Variants in CSPP1 observed in about 807,000 individuals in gnomAD.
CSPP1 encodes the protein centrosome and spindle pole associated protein 1, also known as centrosome and spindle pole-associated protein 1.
Under a neutral mutation model 164.4 loss-of-function variants are expected in CSPP1, and 126 were observed. That is an observed-to-expected ratio of 0.77 (90% CI 0.66 to 0.89). The LOEUF is 0.89. Among genes scored for constraint, CSPP1 ranks in the 40% least tolerant of loss-of-function variants. The probability of loss-of-function intolerance (pLI) is 0.00; values close to 1 mark genes in which losing one functional copy is unlikely to be tolerated. For missense variants in CSPP1, 1,395 were observed against 1,449.8 expected (o/e 0.96, Z 0.61); for synonymous variants, 472 against 476.7 (o/e 0.99, Z 0.13).
intron 17 of CSPP1, among the ~76,000 whole-genome samples, chr8:67,142,428 C>CT (rs1823693805): frequency 6.6e-6 from 1 of 152,152 alleles, no homozygotes; most frequent in African/African-American, 2.4e-5. Context: ...AAAATATTGC[C>CT]TTTTTTCTGA....
chr8:67,074,612 A>G (rs1807508436), intron 2 of CSPP1, among the ~76,000 whole-genome samples: 2 of 152,220 alleles, frequency 1.3e-5, no homozygotes, highest in Non-Finnish European at 2.9e-5. Context: ...GACCAGTTCT[A>G]TTACAAAGAA....
chr8:67,077,110 A>G (rs1226894081), intron 3 of CSPP1, among the ~76,000 whole-genome samples: 2 of 152,136 alleles, frequency 1.3e-5, no homozygotes, highest in Non-Finnish European at 2.9e-5. Context: ...GTAGGTATAC[A>G]TTTTAAAAAA....
intron 29 of CSPP1, among the ~76,000 whole-genome samples, chr8:67,192,082 T>G (rs1395742065): frequency 5.3e-5 from 8 of 151,056 alleles, no homozygotes; most frequent in Non-Finnish European, 8.8e-5. Flanking sequence ...TTTTTTGTTT[T>G]TTTTTTTTGA....
Position 67,163,757 on chromosome 8 carries a change from C to A in CSPP1, c.2669C>A (p.Ser890Ter), listed in dbSNP as rs766529852. Residue 890 changes from serine to a stop codon, truncating the protein, a stop_gained, in exon 23 of 31, where the codon TCA (serine) becomes TAA (stop). Transcript: ENST00000678616. LOFTEE classifies it high-confidence loss of function. ...GAAAGTTCCATGTCCAGGGCACAGT[C>A]ACCCCCGGTACCTGCCAGGAAAAAT... ...IHESSMSRAQSPPVPARKNQL... is the reference protein window; with the variant it reads ...IHESSMSRAQ 1.2e-6 allele frequency: 2 copies of A among 1,613,634 alleles called. No individual in the cohort carries two copies. Among genetic ancestry groups the A allele is most frequent in the Admixed American group, 3.3e-5 (2 of 59,982 alleles).
intron 28 of CSPP1, among the ~76,000 whole-genome samples, chr8:67,189,864 C>T (rs1388187605): frequency 2.0e-5 from 3 of 151,986 alleles, no homozygotes; most frequent in African/African-American, 7.3e-5. Context: ...AAAGGAGTTG[C>T]GGAGGTTACC....
At chr8:67,141,671 G>A (rs1823527582) in intron 17 of CSPP1, among the ~76,000 whole-genome samples, 2 of 152,158 alleles carry the variant, frequency 1.3e-5, no homozygotes, top group South Asian at 4.1e-4. Flanking sequence ...ACAGGCATGT[G>A]CCACCACGCC....
intron 17 of CSPP1, among the ~76,000 whole-genome samples, chr8:67,148,752 T>G (rs1355851088): frequency 6.6e-6 from 1 of 152,216 alleles, no homozygotes; most frequent in Non-Finnish European, 1.5e-5. Flanking sequence ...TTTTTTGGTT[T>G]GTTTGTTTTA....
chr8:67,153,137 G>A (rs1172427700), intron 18 of CSPP1, among the ~76,000 whole-genome samples: 1 of 152,140 alleles, frequency 6.6e-6, no homozygotes, highest in Non-Finnish European at 1.5e-5. Context: ...GGGAGGCAGA[G>A]GTTGCAGTGA....
In CSPP1 at chr8:67,132,048, C is replaced by G; in HGVS notation, c.1795C>G (p.Leu599Val). 1 of 1,613,708 alleles carries G rather than the reference C, an allele frequency of 6.2e-7. No homozygotes were observed. Among genetic ancestry groups the G allele is most frequent in the Non-Finnish European group, 8.5e-7 (1 of 1,179,792 alleles). Residue 599 changes from leucine to valine, a missense_variant, in exon 16 of 31, where the codon CTT (leucine) becomes GTT (valine). By Grantham distance (32) the Leu-to-Val change is conservative. Transcript: ENST00000678616. ...EDKPKPSKQS[L>V]QSYQEALQQQ... ...TAAACCGAAACCTTCCAAACAGTCA[C>G]TTCAGTCTTACCAAGAGGCTTTGCA...
chr8:67,150,686 C>T (rs957633305), intron 18 of CSPP1, among the ~76,000 whole-genome samples: 1 of 152,192 alleles, frequency 6.6e-6, no homozygotes, highest in Admixed American at 6.5e-5. Context: ...CAGGCGTGAG[C>T]CATCGCCTGG....
chr8:67,190,668 A>AG lies in CSPP1; in HGVS notation c.3239_3240insG (p.Tyr1080Ter). The change falls in exon 29 of 31, where the codon TAT (tyrosine) becomes TAGT (stop). Residue 1080 changes from tyrosine (Y) to a stop codon, truncating the protein, a stop_gained and frameshift_variant. Transcript: ENST00000678616. LOFTEE classifies it high-confidence loss of function. ...SAFIGAYGET[Y>*]PAIEDDVLPP... ...CTCTTAGGGGCTTACGGTGAGACAT[A>AG]TCCTGCCATTGAAGATGACGTCCTC... The AG allele has an allele frequency of 6.2e-7, 1 of 1,614,084 alleles. No homozygotes were observed. The highest frequency in any genetic ancestry group is 8.5e-7 in the Non-Finnish European group (1 of 1,179,958).
At chr8:67,194,375 A>ACTAT (rs1266985805) in intron 30 of CSPP1, among the ~76,000 whole-genome samples, 17 of 152,324 alleles carry the variant, frequency 1.1e-4, no homozygotes, top group Admixed American at 8.5e-4. Flanking sequence ...GTACTCATAT[A>ACTAT]CTATCTATCT....
At chr8:67,088,915 T>C (rs1190838315) in intron 4 of CSPP1, among the ~76,000 whole-genome samples, 4 of 149,510 alleles carry the variant, frequency 2.7e-5, no homozygotes, top group African/African-American at 5.0e-5. Flanking sequence ...AAAAAAAGAA[T>C]ATAGTCTTGT....
At chr8:67,087,935 A>G (rs537431511) in intron 4 of CSPP1, among the ~76,000 whole-genome samples, 1 of 152,300 alleles carries the variant, frequency 6.6e-6, no homozygotes, top group Non-Finnish European at 1.5e-5. Flanking sequence ...TTCACCCTCC[A>G]AGCTATTTTC....
intron 26 of CSPP1, chr8:67,175,643 A>G (rs1014337056): frequency 1.5e-6 from 1 of 682,248 alleles, no homozygotes; most frequent in South Asian, 1.5e-5. Context: ...GTATTCATGC[A>G]TGAGAGGGGC....
At position 67,195,517 on chromosome 8, in the gene CSPP1, T is replaced by G; in HGVS notation, c.3605T>G (p.Leu1202Arg). 1 of 1,614,206 alleles carries G rather than the reference T, an allele frequency of 6.2e-7. No homozygotes were observed. Residue 1202 changes from leucine to arginine, a missense_variant, in exon 31 of 31, where the codon CTG (leucine) becomes CGG (arginine). Physicochemically the swap from Leu to Arg is moderately radical, Grantham distance 102. Coordinates refer to ENST00000678616, the MANE Select transcript of CSPP1 (RefSeq NM_001382391.1). ...ETLKRFMAEQ[L>R]NQEQQQIPGK... ...CTGAAACGTTTCATGGCAGAGCAGC[T>G]GAACCAGGAGCAGCAGCAGATTCCT... is the stretch of plus-strand genomic sequence containing the variant.
chr8:67,150,803 T>C (rs1458972448), intron 18 of CSPP1, among the ~76,000 whole-genome samples: 3 of 152,144 alleles, frequency 2.0e-5, no homozygotes, highest in Non-Finnish European at 2.9e-5. Context: ...CCAGGAAAAG[T>C]TGTCAGGTAT....
At chr8:67,153,966 C>G in intron 18 of CSPP1, 58 bp from the exon 19 acceptor site, 1 of 732,578 alleles carries the variant, frequency 1.4e-6, no homozygotes, top group Non-Finnish European at 2.4e-6. Flanking sequence ...CATTCTTTAA[C>G]TGTTAAATTT....
intron 3 of CSPP1, 71 bp downstream of exon 3, chr8:67,076,652 G>A: frequency 1.2e-6 from 1 of 844,066 alleles, no homozygotes; most frequent in Non-Finnish European, 1.8e-6. Flanking sequence ...GGTTTGTCTT[G>A]TCAGAAAAAA....
Sources: gnomAD v4.1 joint callset for allele counts (sites outside exome capture counted in the v4.1 genomes callset) on GRCh38, gnomAD v4.1.1 for gene constraint, MANE v1.5 for transcripts, NCBI Gene and HGNC (gene_info 2026-07-23, HGNC 2026-07-21) for gene names.